The following SMARCA2 variants were observed in gnomAD, a reference collection of about 807,000 sequenced individuals.
SMARCA2 encodes SWI/SNF-related matrix-associated actin-dependent regulator of chromatin subfamily A member 2.
SMARCA2 carries 61 observed loss-of-function variants against 199.8 expected under a neutral mutation model. The observed-to-expected ratio is 0.31, with a 90% CI of 0.25 to 0.38. The LOEUF is 0.38. Ranked by LOEUF, SMARCA2 falls within the 10% of genes least tolerant of loss-of-function variation. The pLI is 1.00. For synonymous variants in SMARCA2, 935 were observed against 732.0 expected (o/e 1.28, Z -4.48); for missense variants, 1,344 against 2,012.2 (o/e 0.67, Z 6.35).
chr9:2,102,688 C>T (rs1369185502), intron 22 of SMARCA2, among the ~76,000 whole-genome samples: 4 of 152,172 alleles, frequency 2.6e-5, no homozygotes, highest in Non-Finnish European at 4.4e-5. Flanking sequence ...ATACTCCCAA[C>T]GTGTTTTTGA....
intron 27 of SMARCA2, among the ~76,000 whole-genome samples, chr9:2,154,442 T>C (rs1366838512): frequency 6.6e-6 from 1 of 152,234 alleles, no homozygotes; most frequent in Non-Finnish European, 1.5e-5. Flanking sequence ...TTTTCCTCTC[T>C]CATGATTGGG....
chr9:2,183,153 G>C (rs939282550), intron 31 of SMARCA2, among the ~76,000 whole-genome samples: 2 of 152,192 alleles, frequency 1.3e-5, no homozygotes, highest in African/African-American at 2.4e-5. Context: ...ATGCTGAAAG[G>C]CTGGCAGTAC....
chr9:2,160,601 G>A (rs1162630442), intron 27 of SMARCA2: 7 of 702,366 alleles, frequency 1.0e-5, no homozygotes, highest in Non-Finnish European at 1.8e-5. Context: ...GCCATGTTTG[G>A]TGCTGTGGAG....
At position 2,169,259 on chromosome 9, in the gene SMARCA2, C is replaced by T. The variant is rs996199360; in HGVS notation, c.4200-1160C>T. On this transcript the variant is annotated intron_variant, in intron 28 of 33. Transcript: ENST00000349721. This position sits in a 1 kb window ranked among gnomAD's most constrained non-coding sequence, Gnocchi z 6.5. ...GGACTGCGTGCCCTGCCTCCAGTCT[C>T]TTCCTGTCCTGGCTTCTTTCTGAGG... Among the ~76,000 whole-genome samples, 68 of 152,304 alleles carry T rather than the reference C, an allele frequency of 4.5e-4. No individual in the cohort carries two copies. The highest frequency in any genetic ancestry group is 1.5e-3 in the African/African-American group (64 of 41,572).
At chr9:2,052,126 T>C (rs1820145772) in intron 5 of SMARCA2, among the ~76,000 whole-genome samples, 1 of 152,234 alleles carries the variant, frequency 6.6e-6, no homozygotes, top group Non-Finnish European at 1.5e-5. Context: ...AAACTTTCAG[T>C]CTTTTGAATG....
In SMARCA2 at chr9:2,170,326, G is replaced by A. The variant is rs1826179473; in HGVS notation, c.4200-93G>A. On this transcript the variant is annotated intron_variant, in intron 28 of 33. Transcript: ENST00000349721. This position sits in a 1 kb window ranked among gnomAD's most constrained non-coding sequence, Gnocchi z 4.7. ...AAGGCAGGTTGGTGAGGAGACTGAGGCTTGGCCAGGTCACCCAGCCTAGGA... is the reference window on the plus strand; with the variant it reads ...AAGGCAGGTTGGTGAGGAGACTGAGACTTGGCCAGGTCACCCAGCCTAGGA... 11 of 1,552,402 alleles carry A rather than the reference G, an allele frequency of 7.1e-6. No homozygotes were observed. Among genetic ancestry groups the A allele is most frequent in the Non-Finnish European group, 9.7e-6 (11 of 1,137,026 alleles).
Position 2,170,600 on chromosome 9 carries a change from G to A in SMARCA2, c.4253+128G>A. 6.8e-7 allele frequency: 1 copy of A among 1,476,674 alleles called. No homozygotes were observed. Among genetic ancestry groups the A allele is most frequent in the Non-Finnish European group, 9.3e-7 (1 of 1,075,524 alleles). The allele number at this position is 1,476,674 out of a possible 1,614,324, so 91.5% of individuals were successfully genotyped here. On this transcript the variant is annotated intron_variant, in intron 29 of 33. Transcript: ENST00000349721. The surrounding 1 kb of genome is among the most constrained non-coding windows in gnomAD (Gnocchi z 4.7). ...GTCACCTCCTGATCACCCCTACTTG[G>A]AGAGCGGGATAGAGGCACAGATACT... is the stretch of plus-strand genomic sequence containing the variant.
rs367919484 is a variant in SMARCA2 at position 2,038,108 on chromosome 9, T to C, written c.356-1358T>C. On this transcript the variant is annotated intron_variant, in intron 3 of 33. Transcript: ENST00000349721. ...GTGGTTCTAGAAGGTTTTTGAAACT[T>C]TCAAGTCCCTAACTTATTTTCATAT... Among the ~76,000 whole-genome samples the C allele has an allele frequency of 9.2e-5, 14 of 152,348 alleles. No individual in the cohort carries two copies. The East Asian group carries it at 2.3e-3, about 25-fold the overall frequency.
intron 27 of SMARCA2, among the ~76,000 whole-genome samples, chr9:2,140,799 T>A (rs1339428756): frequency 1.3e-5 from 2 of 152,202 alleles, no homozygotes; most frequent in Non-Finnish European, 2.9e-5. Flanking sequence ...GTAGCTTCAG[T>A]AAATCCTAAC....
intron 32 of SMARCA2, among the ~76,000 whole-genome samples, chr9:2,190,629 T>TCACA (rs58109690): frequency 6.6e-6 from 1 of 151,446 alleles, no homozygotes; most frequent in African/African-American, 2.4e-5. Flanking sequence ...ATATGTAGAA[T>TCACA]CACACACACA....
intron 31 of SMARCA2, among the ~76,000 whole-genome samples, chr9:2,182,998 C>A (rs1016259530): frequency 6.6e-6 from 1 of 152,038 alleles, no homozygotes; most frequent in African/African-American, 2.4e-5. Flanking sequence ...ACCATGTTAG[C>A]CAGGCTGGTC....
In SMARCA2 at chr9:2,038,579, T is replaced by G. The variant is rs570745628; in HGVS notation, c.356-887T>G. ...TCTTTACCCCTTTCCTGAAATAATT[T>G]GGAGGCAAGTTATTTACTATATATT... On this transcript the variant is annotated intron_variant, in intron 3 of 33. Coordinates refer to ENST00000349721, the MANE Select transcript of SMARCA2 (RefSeq NM_003070.5). Among the ~76,000 whole-genome samples, 77 of 152,336 alleles carry G rather than the reference T, an allele frequency of 5.1e-4. No homozygotes were observed. The Middle Eastern group carries it at 0.01, about 20-fold the overall frequency.
Position 2,149,633 on chromosome 9 carries a change from A to T in SMARCA2, c.3982-12053A>T, listed in dbSNP as rs532592434. On this transcript the variant is annotated intron_variant, in intron 27 of 33. Transcript: ENST00000349721. ...GCTCCCATGATTCAAATTATCTCCC[A>T]CCGGGTCCTTCGCACAACATGTGGG... 9.6e-4 allele frequency among the ~76,000 whole-genome samples: 145 copies of T among 151,616 alleles called. 3 individuals carry two copies. The highest frequency in any genetic ancestry group is 3.3e-3 in the African/African-American group (135 of 41,456).
intron 3 of SMARCA2, among the ~76,000 whole-genome samples, chr9:2,035,273 C>T (rs1273247022): frequency 6.6e-6 from 1 of 152,058 alleles, no homozygotes; most frequent in Non-Finnish European, 1.5e-5. Flanking sequence ...GAACTCCTGA[C>T]CTCAGGTGAT....
intron 28 of SMARCA2, among the ~76,000 whole-genome samples, chr9:2,168,439 T>A (rs1189051659): frequency 6.6e-6 from 1 of 152,236 alleles, no homozygotes; most frequent in Non-Finnish European, 1.5e-5. Context: ...TCATTTTGAG[T>A]AGGGCTGAAA....
At chr9:2,135,557 G>A (rs1824157057) in intron 27 of SMARCA2, among the ~76,000 whole-genome samples, 1 of 152,144 alleles carries the variant, frequency 6.6e-6, no homozygotes, top group African/African-American at 2.4e-5. Context: ...CTATCTAACA[G>A]TAACCTCTAA....
intron 28 of SMARCA2, among the ~76,000 whole-genome samples, chr9:2,164,750 G>A (rs1825857064): frequency 6.6e-6 from 1 of 152,206 alleles, no homozygotes; most frequent in African/African-American, 2.4e-5. Context: ...TCAGCATGCA[G>A]ATATTGAGTA....
intron 27 of SMARCA2, among the ~76,000 whole-genome samples, chr9:2,149,183 C>T (rs903235333): frequency 6.6e-6 from 1 of 151,226 alleles, no homozygotes; most frequent in African/African-American, 2.4e-5. Flanking sequence ...AAAGGCACTT[C>T]TTACATGGTG....
intron 27 of SMARCA2, among the ~76,000 whole-genome samples, chr9:2,142,238 C>T (rs538887201): frequency 3.5e-4 from 54 of 152,294 alleles, no homozygotes; most frequent in African/African-American, 1.2e-3. Flanking sequence ...GACAAAATGA[C>T]ATCAAATTTA....
Sources: gnomAD v4.1 joint callset for allele counts (sites outside exome capture counted in the v4.1 genomes callset) on GRCh38, gnomAD v4.1.1 for gene constraint, Gnocchi (gnomAD v3.1) non-coding constraint, MANE v1.5 for transcripts, NCBI Gene and HGNC (gene_info 2026-07-23, HGNC 2026-07-21) for gene names.